Variants in LRP1B observed in about 807,000 individuals in gnomAD.
The protein encoded by LRP1B is LDL receptor related protein 1B.
Under a neutral mutation model 556.6 loss-of-function variants are expected in LRP1B, and 217 were observed. The ratio of observed to expected loss-of-function variants is 0.39; its 90% CI spans 0.35 to 0.44. LRP1B has a LOEUF of 0.44. LRP1B is among the 20% of genes least tolerant of loss of function. The probability of loss-of-function intolerance (pLI) is 1.00; values close to 1 mark genes in which losing one functional copy is unlikely to be tolerated. For synonymous variants in LRP1B, 2,047 were observed against 1,865.8 expected (o/e 1.10, Z -2.50); for missense variants, 5,053 against 5,620.8 (o/e 0.90, Z 3.23).
chr2:140,358,487 A>G (rs987343280), intron 73 of LRP1B, among the ~76,000 whole-genome samples: 16 of 151,718 alleles, frequency 1.1e-4, no homozygotes, highest in African/African-American at 3.9e-4. Flanking sequence ...GGAATTCAGA[A>G]AAAAGAATTG....
At chr2:141,186,102 A>G (rs1681248644) in intron 7 of LRP1B, among the ~76,000 whole-genome samples, 1 of 150,186 alleles carries the variant, frequency 6.7e-6, no homozygotes, top group Admixed American at 6.7e-5. Context: ...AAAAAAAACC[A>G]GTATGCTTAA....
intron 79 of LRP1B, among the ~76,000 whole-genome samples, chr2:140,328,073 A>G (rs931620465): frequency 5.9e-5 from 9 of 152,042 alleles, no homozygotes; most frequent in African/African-American, 2.2e-4. Flanking sequence ...GTTCATGTCT[A>G]TCTTTAAAAT....
chr2:141,501,421 A>T (rs146635313), intron 2 of LRP1B, among the ~76,000 whole-genome samples: 35 of 152,294 alleles, frequency 2.3e-4, no homozygotes, highest in Admixed American at 6.5e-4. Context: ...ATCATAGTAT[A>T]CTACATGAAA....
Position 140,358,813 on chromosome 2 carries a change from G to T in LRP1B, c.11257+8C>A. 6.2e-7 allele frequency: 1 copy of T among 1,605,942 alleles called. No homozygotes were observed. The highest frequency in any genetic ancestry group is 8.5e-7 in the Non-Finnish European group (1 of 1,174,258). Reference sequence around the variant, plus strand: ...ATCACTGAATTATTTCACATTAAATGCATTTACCACCACAGTGATCTTCAT... The same window carrying T: ...ATCACTGAATTATTTCACATTAAATTCATTTACCACCACAGTGATCTTCAT... On this transcript the variant is annotated splice_region_variant and intron_variant, in intron 73 of 90. Coordinates refer to ENST00000389484, the MANE Select transcript of LRP1B (RefSeq NM_018557.3).
At chr2:140,901,796 G>A (rs112478312) in intron 23 of LRP1B, among the ~76,000 whole-genome samples, 5,971 of 152,136 alleles carry the variant, frequency 0.039, 182 homozygotes, top group South Asian at 0.094. Flanking sequence ...TTGATGTCAT[G>A]AAATTCAAAC....
intron 25 of LRP1B, among the ~76,000 whole-genome samples, chr2:140,871,285 G>A (rs967161849): frequency 6.6e-6 from 1 of 152,090 alleles, no homozygotes; most frequent in Admixed American, 6.6e-5. Flanking sequence ...AAACAATTTA[G>A]CACACAGAAT....
intron 77 of LRP1B, among the ~76,000 whole-genome samples, chr2:140,338,881 A>G (rs1681234043): frequency 6.6e-6 from 1 of 151,654 alleles, no homozygotes; most frequent in African/African-American, 2.4e-5. Flanking sequence ...CACTTGCCCC[A>G]TTGGCTAGCT....
chr2:140,636,151 G>C (rs1013350939), intron 41 of LRP1B, among the ~76,000 whole-genome samples: 3 of 152,070 alleles, frequency 2.0e-5, no homozygotes, highest in African/African-American at 7.2e-5. Context: ...GGAGCTTTGT[G>C]AGCCACTTTG....
intron 43 of LRP1B, among the ~76,000 whole-genome samples, chr2:140,585,210 G>A (rs1293576224): frequency 6.6e-6 from 1 of 151,744 alleles, no homozygotes; most frequent in African/African-American, 2.4e-5. Flanking sequence ...CATAATTCAA[G>A]GGGGGATTTA....
chr2:142,101,176 T>G (rs1009416576), intron 1 of LRP1B, among the ~76,000 whole-genome samples: 1 of 151,982 alleles, frequency 6.6e-6, no homozygotes, highest in African/African-American at 2.4e-5. Context: ...TCTCAAACAG[T>G]GGTGATTGCT....
rs1207571536 is a variant in LRP1B, at chr2:140,370,763, C to T, written c.10955G>A (p.Cys3652Tyr). Residue 3652 changes from cysteine (C) to tyrosine (Y), a missense_variant, in exon 71 of 91, where the codon TGT becomes TAT. Physicochemically the swap from Cys to Tyr is radical, Grantham distance 194 (BLOSUM62 -2). This residue lies in a region of LRP1B where 599 missense variants were observed against 648.4 expected (regional missense o/e 0.92). Coordinates refer to ENST00000389484, the MANE Select transcript of LRP1B (RefSeq NM_018557.3). ...KAHCIPIRWL[C>Y]DGIHDCVDGS... ...ATCCACACAGTCATGAATTCCATCA[C>T]ACAGCCATCTAATTGGAATACAGTG... The T allele has an allele frequency of 6.2e-7, 1 of 1,612,838 alleles. No individual in the cohort carries two copies. The highest frequency in any genetic ancestry group is 8.5e-7 in the Non-Finnish European group (1 of 1,179,238).
intron 2 of LRP1B, among the ~76,000 whole-genome samples, chr2:141,647,494 C>T (rs976850871): frequency 6.6e-6 from 1 of 152,072 alleles, no homozygotes; most frequent in Non-Finnish European, 1.5e-5. Flanking sequence ...AAACTTCAGA[C>T]GATTTTCACA....
chr2:142,012,647 C>G (rs1329842703), intron 1 of LRP1B, among the ~76,000 whole-genome samples: 1 of 152,114 alleles, frequency 6.6e-6, no homozygotes, highest in East Asian at 1.9e-4. Flanking sequence ...TTACTTAGCT[C>G]TACTTAGCTG....
intron 17 of LRP1B, 115 bp downstream of exon 17, chr2:140,989,417 C>T (rs1483088653): frequency 9.3e-7 from 1 of 1,075,258 alleles, no homozygotes; most frequent in African/African-American, 1.6e-5. Context: ...TTTACTACTG[C>T]AATAATCAGA....
At chr2:140,710,603 C>T (rs1307893244) in intron 37 of LRP1B, among the ~76,000 whole-genome samples, 1 of 151,674 alleles carries the variant, frequency 6.6e-6, no homozygotes, top group Non-Finnish European at 1.5e-5. Flanking sequence ...CACACAAAGT[C>T]TTAAATGAGA....
chr2:140,474,535 A>T (rs1034115323), intron 60 of LRP1B, among the ~76,000 whole-genome samples: 5 of 151,910 alleles, frequency 3.3e-5, no homozygotes, highest in African/African-American at 9.7e-5. Flanking sequence ...TTCAGGAAAA[A>T]ATCTAATTCT....
intron 2 of LRP1B, among the ~76,000 whole-genome samples, chr2:141,590,342 G>A (rs1015670348): frequency 2.0e-5 from 3 of 151,900 alleles, no homozygotes; most frequent in South Asian, 2.1e-4. Flanking sequence ...TAATACTTTC[G>A]CCTATTCCTT....
intron 43 of LRP1B, among the ~76,000 whole-genome samples, chr2:140,556,127 C>T (rs1416688600): frequency 1.3e-5 from 2 of 151,976 alleles, no homozygotes; most frequent in Non-Finnish European, 2.9e-5. Flanking sequence ...GGACACATTA[C>T]CCCAAAATAT....
intron 2 of LRP1B, among the ~76,000 whole-genome samples, chr2:141,642,153 C>T (rs1164620352): frequency 1.3e-5 from 2 of 152,100 alleles, no homozygotes; most frequent in African/African-American, 4.8e-5. Context: ...ATGCTATGAC[C>T]TTCCAGTTGT....
Sources: gnomAD v4.1 joint callset for allele counts (sites outside exome capture counted in the v4.1 genomes callset) on GRCh38, gnomAD v4.1.1 for gene constraint, gnomAD v4.1.1 regional missense constraint, MANE v1.5 for transcripts, NCBI Gene and HGNC (gene_info 2026-07-23, HGNC 2026-07-21) for gene names.